Variants in HNRNPLL observed in about 807,000 individuals in gnomAD.
The protein encoded by HNRNPLL is heterogeneous nuclear ribonucleoprotein L like.
HNRNPLL carries 25 observed loss-of-function variants against 67.1 expected under a neutral mutation model. The observed-to-expected ratio is 0.37, with a 90% CI of 0.27 to 0.52. The LOEUF (loss-of-function observed/expected upper bound fraction) is 0.52. Ranked by LOEUF, HNRNPLL falls within the 20% of genes least tolerant of loss-of-function variation. HNRNPLL has a pLI of 0.90. For missense variants in HNRNPLL, 542 were observed against 673.9 expected, an observed-to-expected ratio of 0.80 and a Z score of 2.17; for synonymous variants, 267 against 241.7, an observed-to-expected ratio of 1.10 and a Z score of -0.97.
intron 12 of HNRNPLL, among the ~76,000 whole-genome samples, chr2:38,565,786 T>C (rs577302014): frequency 2.0e-5 from 3 of 149,426 alleles, no homozygotes; most frequent in Admixed American, 2.0e-4. Flanking sequence ...TATTTAGGAA[T>C]TTTCAAACAT....
rs1183318296 is a variant in HNRNPLL, at chr2:38,593,128, A to AT, written c.190-1481dup. Among the ~76,000 whole-genome samples the AT allele has an allele frequency of 2.0e-5, 3 of 152,374 alleles. No homozygotes were observed. The East Asian group carries it at 5.8e-4, about 29-fold the overall frequency. On this transcript the variant is annotated intron_variant, in intron 1 of 12. Coordinates refer to ENST00000449105, the MANE Select transcript of HNRNPLL (RefSeq NM_138394.4). ...AATACTAATTCTATCCTTGGAATTT[A>AT]TTTGAATTGCTTATGCTCCGTCTTT...
At chr2:38,580,681 T>C (rs1666491289) in intron 6 of HNRNPLL, among the ~76,000 whole-genome samples, 2 of 152,232 alleles carry the variant, frequency 1.3e-5, no homozygotes, top group African/African-American at 2.4e-5. Context: ...ACATTTTAAT[T>C]TGTATATTCC....
At position 38,588,546 on chromosome 2, in the gene HNRNPLL, C is replaced by CAAAAAAAAAAAAAAA. The variant is rs70954733; in HGVS notation, c.309-2680_309-2666dup. ...TGGGTGACAGAGTGAAACTCCATCT[C>CAAAAAAAAAAAAAAA]AAAAAAAAAAAAAAAAAAAAAGGGT... On this transcript the variant is annotated intron_variant, in intron 2 of 12. Coordinates refer to ENST00000449105, the MANE Select transcript of HNRNPLL (RefSeq NM_138394.4). 3.7e-3 allele frequency among the ~76,000 whole-genome samples: 191 copies of CAAAAAAAAAAAAAAA among 50,988 alleles called. 6 individuals are homozygous for CAAAAAAAAAAAAAAA. Among genetic ancestry groups the CAAAAAAAAAAAAAAA allele is most frequent in the African/African-American group, 9.2e-3 (168 of 18,170 alleles). The allele number at this position is 50,988 out of a possible 152,430, so 33.5% of individuals were successfully genotyped here. A position where few individuals can be genotyped will look rare whatever the true frequency, so the allele number is the denominator to read the frequency against.
Position 38,569,842 on chromosome 2 carries a change from A to C in HNRNPLL, c.1176T>G (p.Leu392=). ...TTTTCCCAAATAATTTGACATTATT[A>C]AGGTGTGTGACAGCTCTTTCTACAG... The part of the protein sequence containing the change: ...EYAVERAVTH[L]NNVKLFGKRL... The change falls in exon 9 of 13, where the codon CTT becomes CTG. Residue 392 remains leucine (L), a synonymous_variant. Transcript: ENST00000449105. 6.7e-7 allele frequency: 1 copy of C among 1,497,530 alleles called. No homozygotes were observed. The allele number at this position is 1,497,530 out of a possible 1,614,324, so 92.8% of individuals were successfully genotyped here.
At chr2:38,578,758 T>C (rs1165088843) in intron 6 of HNRNPLL, among the ~76,000 whole-genome samples, 1 of 152,040 alleles carries the variant, frequency 6.6e-6, no homozygotes, top group East Asian at 1.9e-4. Flanking sequence ...TGTGAGAAAA[T>C]GAATTTTTAT....
chr2:38,597,014 TTAA>T (rs963330542), intron 1 of HNRNPLL, among the ~76,000 whole-genome samples: 2 of 152,236 alleles, frequency 1.3e-5, no homozygotes, highest in African/African-American at 4.8e-5. Flanking sequence ...GGACAAACTC[TTAA>T]TAATACAATA....
intron 6 of HNRNPLL, among the ~76,000 whole-genome samples, chr2:38,579,455 C>A (rs1666434212): frequency 6.6e-6 from 1 of 151,838 alleles, no homozygotes; most frequent in South Asian, 2.1e-4. Context: ...TAATAATTCA[C>A]TTCATTTGAA....
intron 7 of HNRNPLL, among the ~76,000 whole-genome samples, chr2:38,574,836 G>C (rs1028081787): frequency 6.6e-6 from 1 of 151,836 alleles, no homozygotes; most frequent in Admixed American, 6.6e-5. Context: ...TTAGTAATTA[G>C]TTTTTAGGCT....
chr2:38,575,855 C>T (rs1438243186), intron 7 of HNRNPLL, among the ~76,000 whole-genome samples: 1 of 151,696 alleles, frequency 6.6e-6, no homozygotes, highest in Non-Finnish European at 1.5e-5. Context: ...TCCCCTATTA[C>T]TCATCTTACT....
At chr2:38,584,627 T>C (rs566248848) in intron 3 of HNRNPLL, among the ~76,000 whole-genome samples, 1 of 152,290 alleles carries the variant, frequency 6.6e-6, no homozygotes, top group African/African-American at 2.4e-5. Flanking sequence ...TAGTAATAAA[T>C]ATGTATTAAG....
intron 1 of HNRNPLL, among the ~76,000 whole-genome samples, chr2:38,596,863 G>A (rs1233163049): frequency 1.3e-5 from 2 of 152,030 alleles, no homozygotes; most frequent in Admixed American, 1.3e-4. Flanking sequence ...CAACATACAT[G>A]CACTTTACAA....
chr2:38,578,376 A>C (rs1006069785), intron 6 of HNRNPLL, among the ~76,000 whole-genome samples: 2 of 152,056 alleles, frequency 1.3e-5, no homozygotes, highest in African/African-American at 4.8e-5. Context: ...GTAAATTTTA[A>C]AAATCATTAT....
intron 1 of HNRNPLL, chr2:38,601,871 G>A (rs1014053582): frequency 6.6e-6 from 1 of 152,390 alleles, no homozygotes; most frequent in African/African-American, 2.4e-5. Context: ...TGCACGCCAT[G>A]CTTATAAAGA....
intron 12 of HNRNPLL, chr2:38,565,960 C>A (rs780679437): frequency 1.2e-6 from 1 of 861,066 alleles, no homozygotes; most frequent in Admixed American, 6.3e-5. Context: ...AGCCATAAAT[C>A]ATTCATTGTT....
intron 1 of HNRNPLL, among the ~76,000 whole-genome samples, chr2:38,597,697 T>A (rs13424641): frequency 0.012 from 1,793 of 151,964 alleles, 36 homozygotes; most frequent in African/African-American, 0.041. Context: ...TTTTATTTTT[T>A]TTTTTTTTTG....
intron 6 of HNRNPLL, 85 bp downstream of exon 6, chr2:38,581,828 A>T: frequency 2.4e-6 from 2 of 829,704 alleles, no homozygotes; most frequent in Non-Finnish European, 4.1e-6. Context: ...TGAATTAACT[A>T]GCTCATCTCA....
Position 38,564,036 on chromosome 2 carries a change from C to A in HNRNPLL, c.*146G>T. 1 of 614,858 alleles carries A rather than the reference C, an allele frequency of 1.6e-6. No individual in the cohort carries two copies. The allele number at this position is 614,858 out of a possible 1,614,324, so 38.1% of individuals were successfully genotyped here. A position where few individuals can be genotyped will look rare whatever the true frequency, so the allele number is the denominator to read the frequency against. On this transcript the variant is annotated 3_prime_UTR_variant, in exon 13 of 13. Coordinates refer to ENST00000449105, the MANE Select transcript of HNRNPLL (RefSeq NM_138394.4). The stretch of plus-strand genomic sequence containing the variant: ...AATATTTAAGCTTACAACAAATTTA[C>A]TCAAGGCAAAATATGTTTATTACAG...
chr2:38,601,627 G>A, intron 1 of HNRNPLL: 1 of 152,272 alleles, frequency 6.6e-6, no homozygotes, highest in Middle Eastern at 3.4e-3. Flanking sequence ...AACATTTCTG[G>A]TAAGAGAAAG....
At chr2:38,575,149 A>G (rs1266127309) in intron 7 of HNRNPLL, among the ~76,000 whole-genome samples, 2 of 151,788 alleles carry the variant, frequency 1.3e-5, no homozygotes, top group Admixed American at 6.6e-5. Flanking sequence ...CACAAGAATA[A>G]CTGATGTTTA....
Sources: gnomAD v4.1 joint callset for allele counts (sites outside exome capture counted in the v4.1 genomes callset) on GRCh38, gnomAD v4.1.1 for gene constraint, MANE v1.5 for transcripts, NCBI Gene and HGNC (gene_info 2026-07-23, HGNC 2026-07-21) for gene names.